SAMD13: variants seen among roughly 807,000 people sequenced by gnomAD.
The protein encoded by SAMD13 is sterile alpha motif domain containing 13.
Under a neutral mutation model 12.4 loss-of-function variants are expected in SAMD13, and 9 were observed. That is an observed-to-expected ratio of 0.72 (90% CI 0.44 to 1.26). The LOEUF is 1.26. SAMD13 is among the 50% of genes most tolerant of loss of function. The probability of loss-of-function intolerance (pLI) is 0.00; values close to 1 mark genes in which losing one functional copy is unlikely to be tolerated. For missense variants in SAMD13, 84 were observed against 119.6 expected (o/e 0.70, Z 1.39); for synonymous variants, 46 against 45.4 (o/e 1.01, Z -0.05).
chr1:84,312,707 GCAAAA>G (rs1180411347), intron 2 of SAMD13, among the ~76,000 whole-genome samples: 6 of 151,946 alleles, frequency 3.9e-5, no homozygotes. Flanking sequence ...TAAAATGTAG[GCAAAA>G]CAAAACAATG....
rs557337141 is a variant in SAMD13, at chr1:84,325,902, T to A, written c.165+154T>A. 3.0e-4 allele frequency among the ~76,000 whole-genome samples: 45 copies of A among 152,220 alleles called. No homozygotes were observed. The South Asian group carries it at 6.7e-3, about 23-fold the overall frequency. On this transcript the variant is annotated intron_variant, in intron 3 of 3. Transcript: ENST00000394834. Reference sequence around the variant, plus strand: ...AGAAACTGAGGGGAAGGAGAATGGATGTACCAGGTGAATTATCCCTTTGTG... The same window carrying A: ...AGAAACTGAGGGGAAGGAGAATGGAAGTACCAGGTGAATTATCCCTTTGTG...
intron 3 of SAMD13, among the ~76,000 whole-genome samples, chr1:84,337,356 A>T (rs1679322203): frequency 6.6e-6 from 1 of 152,082 alleles, no homozygotes; most frequent in African/African-American, 2.4e-5. Flanking sequence ...ATTTCCATAC[A>T]TCTTCTGAAA....
chr1:84,346,192 A>C (rs1270847555), intron 3 of SAMD13, among the ~76,000 whole-genome samples: 1 of 152,224 alleles, frequency 6.6e-6, no homozygotes, highest in Admixed American at 6.5e-5. Flanking sequence ...CTAATAAGCA[A>C]TAAAGTAGTG....
At chr1:84,301,575 A>G, upstream of SAMD13, 2 of 983,626 alleles carry the variant, frequency 2.0e-6, no homozygotes, top group East Asian at 1.1e-4. Context: ...GAACAGGCAC[A>G]CTGTAGCTTT....
chr1:84,327,153 C>T (rs749199517), intron 3 of SAMD13, among the ~76,000 whole-genome samples: 2 of 152,108 alleles, frequency 1.3e-5, no homozygotes, highest in Non-Finnish European at 2.9e-5. Flanking sequence ...TTCTTACTAG[C>T]TTTATCACAA....
At chr1:84,310,146 T>C (rs556556765) in intron 2 of SAMD13, among the ~76,000 whole-genome samples, 1 of 152,254 alleles carries the variant, frequency 6.6e-6, no homozygotes, top group South Asian at 2.1e-4. Flanking sequence ...ATTTTAATAA[T>C]ATATTTTATT....
upstream of SAMD13, among the ~76,000 whole-genome samples, chr1:84,300,224 T>G (rs1678424647): frequency 6.6e-6 from 1 of 152,222 alleles, no homozygotes; most frequent in Admixed American, 6.5e-5. Flanking sequence ...TGGTGAAAGA[T>G]CCACATGCCT....
chr1:84,322,537 A>G (rs994736231), intron 2 of SAMD13, among the ~76,000 whole-genome samples: 2 of 152,202 alleles, frequency 1.3e-5, no homozygotes, highest in Non-Finnish European at 2.9e-5. Context: ...CTGTGTATCA[A>G]CTGTGCACCA....
intron 3 of SAMD13, chr1:84,345,080 C>T (rs1436126882): frequency 2.2e-6 from 1 of 456,602 alleles, no homozygotes. Flanking sequence ...TATCTCTGGG[C>T]TCCAGAGCAA....
intron 2 of SAMD13, among the ~76,000 whole-genome samples, chr1:84,309,198 C>T (rs930501821): frequency 6.6e-6 from 1 of 152,080 alleles, no homozygotes; most frequent in Non-Finnish European, 1.5e-5. Flanking sequence ...GAACCTGGCT[C>T]TTCTGACTCC....
At chr1:84,319,842 C>T (rs1384647364) in intron 2 of SAMD13, among the ~76,000 whole-genome samples, 1 of 152,064 alleles carries the variant, frequency 6.6e-6, no homozygotes, top group Admixed American at 6.6e-5. Context: ...GATACCTATA[C>T]GGAGGAAAGA....
At chr1:84,321,058 GTGCC>G (rs1678932371) in intron 2 of SAMD13, among the ~76,000 whole-genome samples, 1 of 152,110 alleles carries the variant, frequency 6.6e-6, no homozygotes, top group Non-Finnish European at 1.5e-5. Flanking sequence ...AAATTATGAT[GTGCC>G]AACATGAAAA....
At chr1:84,315,174 G>A (rs1416770139) in intron 2 of SAMD13, among the ~76,000 whole-genome samples, 1 of 151,794 alleles carries the variant, frequency 6.6e-6, no homozygotes, top group East Asian at 1.9e-4. Context: ...GCACAATGTT[G>A]TACAGCATAT....
In SAMD13 at chr1:84,306,324, C is replaced by A. The variant is rs181602843; in HGVS notation, c.53+3037C>A. On this transcript the variant is annotated intron_variant, in intron 2 of 3. Transcript: ENST00000394834. ...TGATTTTTTATATTGATGTTATATG[C>A]CACAACCTTGCTAAACTCACTTATT... Among the ~76,000 whole-genome samples the A allele has an allele frequency of 3.3e-5, 5 of 151,684 alleles. No individual in the cohort carries two copies. In the East Asian group the frequency reaches 9.7e-4, roughly 29 times the overall value.
chr1:84,337,661 C>T (rs1020059442), intron 3 of SAMD13, among the ~76,000 whole-genome samples: 1 of 152,210 alleles, frequency 6.6e-6, no homozygotes, highest in African/African-American at 2.4e-5. Context: ...ACATTTTCCC[C>T]ATTGTCTTAG....
At chr1:84,318,912 G>A (rs1678887242) in intron 2 of SAMD13, among the ~76,000 whole-genome samples, 1 of 152,156 alleles carries the variant, frequency 6.6e-6, no homozygotes, top group African/African-American at 2.4e-5. Flanking sequence ...GCCTTGAAGT[G>A]TACATTTCAA....
chr1:84,325,487 T>A (rs1419076113), intron 2 of SAMD13, 150 bp from the exon 3 acceptor site: 1 of 599,416 alleles, frequency 1.7e-6, no homozygotes, highest in African/African-American at 1.9e-5. Context: ...AAATGTCAAA[T>A]GGTTTATTAG....
upstream of SAMD13, chr1:84,299,557 T>C: frequency 1.4e-6 from 2 of 1,456,334 alleles, no homozygotes; most frequent in South Asian, 1.4e-5. Flanking sequence ...AGTGCACACA[T>C]CACACTCACA....
intron 2 of SAMD13, among the ~76,000 whole-genome samples, chr1:84,318,480 A>G (rs1678879826): frequency 6.6e-6 from 1 of 152,096 alleles, no homozygotes; most frequent in Non-Finnish European, 1.5e-5. Context: ...GTATAATTTC[A>G]TTATTTTTAT....
Sources: allele counts gnomAD v4.1 joint callset (sites outside exome capture counted in the v4.1 genomes callset), GRCh38; gene constraint gnomAD v4.1.1; transcripts MANE v1.5; gene names NCBI Gene and HGNC (gene_info 2026-07-23, HGNC 2026-07-21).